Variants in DLGAP1 observed in about 807,000 individuals in gnomAD.
DLGAP1 encodes the protein disks large-associated protein 1.
In DLGAP1, 11 loss-of-function variants were observed where a neutral mutation model predicts 90.8. That is an observed-to-expected ratio of 0.12 (90% CI 0.08 to 0.20). The LOEUF (loss-of-function observed/expected upper bound fraction) is 0.20. Ranked by LOEUF, DLGAP1 falls within the 10% of genes least tolerant of loss-of-function variation. The pLI, the probability that DLGAP1 is intolerant of heterozygous loss-of-function variation, is 1.00. For synonymous variants in DLGAP1, 558 were observed against 540.7 expected (o/e 1.03, Z -0.44); for missense variants, 1,050 against 1,333.8 (o/e 0.79, Z 3.31).
intron 4 of DLGAP1, among the ~76,000 whole-genome samples, chr18:3,852,737 A>T (rs561362497): frequency 6.6e-6 from 1 of 152,282 alleles, no homozygotes; most frequent in Non-Finnish European, 1.5e-5. Context: ...CCTTTTCTGC[A>T]TATATTGAGA....
At chr18:3,931,348 C>T (rs939555023) in intron 3 of DLGAP1, among the ~76,000 whole-genome samples, 1 of 152,142 alleles carries the variant, frequency 6.6e-6, no homozygotes, top group Non-Finnish European at 1.5e-5. Context: ...CTCAGTTCTG[C>T]CCTGTTCACC....
intron 7 of DLGAP1, among the ~76,000 whole-genome samples, chr18:3,684,167 GTT>G (rs57207823): frequency 2.1e-4 from 24 of 116,160 alleles, no homozygotes; most frequent in Middle Eastern, 3.7e-3. Flanking sequence ...ATTGGGTAAG[GTT>G]TTTTTTTTTT....
chr18:3,942,355 G>T (rs1357272648), intron 3 of DLGAP1, among the ~76,000 whole-genome samples: 1 of 152,200 alleles, frequency 6.6e-6, no homozygotes. Flanking sequence ...AACTGCTGGT[G>T]TCGGAAGGCA....
intron 8 of DLGAP1, among the ~76,000 whole-genome samples, chr18:3,573,497 C>T (rs1305451022): frequency 2.0e-5 from 3 of 152,030 alleles, no homozygotes; most frequent in Non-Finnish European, 4.4e-5. Flanking sequence ...AGCAAAACTC[C>T]ATCTCAAAAG....
intron 1 of DLGAP1, among the ~76,000 whole-genome samples, chr18:4,437,906 G>T (rs2083442048): frequency 6.6e-6 from 1 of 152,122 alleles, no homozygotes. Context: ...AGTAAATATG[G>T]TTTAAAAGAT....
At chr18:3,733,994 T>A (rs886536833) in intron 6 of DLGAP1, among the ~76,000 whole-genome samples, 1 of 152,256 alleles carries the variant, frequency 6.6e-6, no homozygotes, top group Admixed American at 6.5e-5. Flanking sequence ...TACAAGAATA[T>A]GTCCTGATGT....
chr18:3,508,537 G>A (rs1313528911), intron 11 of DLGAP1, 33 bp downstream of exon 11: 1 of 1,520,130 alleles, frequency 6.6e-7, no homozygotes, highest in Admixed American at 1.8e-5. Flanking sequence ...CATGGCACTA[G>A]CAGGGAAATT....
chr18:4,177,351 AAC>A (rs34299932), intron 1 of DLGAP1, among the ~76,000 whole-genome samples: 30,619 of 141,168 alleles, frequency 0.22, 3,244 homozygotes, highest in Middle Eastern at 0.26. Context: ...ACTTTCTTTG[AAC>A]ACACACACAC....
At chr18:3,950,187 C>G (rs1420991618) in intron 3 of DLGAP1, among the ~76,000 whole-genome samples, 3 of 152,120 alleles carry the variant, frequency 2.0e-5, no homozygotes, top group African/African-American at 7.2e-5. Flanking sequence ...ATGACAGAAA[C>G]TCCAAAAAAA....
Position 3,777,433 on chromosome 18 carries a change from T to G in DLGAP1, c.1173-34921A>C, listed in dbSNP as rs912365878. Among the ~76,000 whole-genome samples the G allele has an allele frequency of 5.3e-5, 8 of 151,824 alleles. No homozygotes were observed. In the East Asian group the frequency reaches 1.5e-3, roughly 29 times the overall value. On this transcript the variant is annotated intron_variant, in intron 5 of 12. Coordinates refer to ENST00000315677, the MANE Select transcript of DLGAP1 (RefSeq NM_004746.4). ...AGACAAAAACAAAGTGTAGATAATT[T>G]TATAAAAGTGGAGGTGGTGGAAGAA...
intron 2 of DLGAP1, among the ~76,000 whole-genome samples, chr18:4,136,967 G>A (rs1384426939): frequency 6.6e-6 from 1 of 152,114 alleles, no homozygotes; most frequent in Non-Finnish European, 1.5e-5. Flanking sequence ...AGTTACATAT[G>A]TATACATGTG....
intron 2 of DLGAP1, among the ~76,000 whole-genome samples, chr18:4,066,725 G>T (rs962815347): frequency 6.6e-6 from 1 of 152,078 alleles, no homozygotes; most frequent in African/African-American, 2.4e-5. Flanking sequence ...TACACTGTTG[G>T]GGGGGTGTAA....
At chr18:3,553,408 C>T (rs1195658053) in intron 9 of DLGAP1, among the ~76,000 whole-genome samples, 3 of 152,144 alleles carry the variant, frequency 2.0e-5, no homozygotes, top group Non-Finnish European at 4.4e-5. Flanking sequence ...GTAATTTATA[C>T]ATTTTTACAA....
intron 6 of DLGAP1, among the ~76,000 whole-genome samples, chr18:3,741,020 C>CAT (rs1427122256): frequency 1.3e-4 from 10 of 75,010 alleles, no homozygotes; most frequent in Non-Finnish European, 1.9e-4. Context: ...ACCACCATCA[C>CAT]CACCACCACC....
chr18:4,392,665 A>G (rs2082362542), intron 1 of DLGAP1, among the ~76,000 whole-genome samples: 1 of 152,188 alleles, frequency 6.6e-6, no homozygotes, highest in Admixed American at 6.5e-5. Flanking sequence ...TAATAACTGT[A>G]CAGTCTACAG....
intron 9 of DLGAP1, among the ~76,000 whole-genome samples, chr18:3,554,451 C>A (rs1182736142): frequency 1.3e-5 from 2 of 152,166 alleles, no homozygotes; most frequent in African/African-American, 4.8e-5. Context: ...CCTTTCAAAA[C>A]GACATACGCA....
intron 7 of DLGAP1, among the ~76,000 whole-genome samples, chr18:3,700,388 C>G (rs2111539): frequency 0.16 from 24,272 of 152,078 alleles, 2,383 homozygotes; most frequent in East Asian, 0.46. Flanking sequence ...AGTTCCTCAA[C>G]CCCTTGTGCT....
In DLGAP1 at chr18:4,057,679, T is replaced by C. The variant is rs148050952; in HGVS notation, c.-158-52478A>G. On this transcript the variant is annotated intron_variant, in intron 2 of 12. Transcript: ENST00000315677. ...CTAAAATTTGTCTTGGTCTCTCTCT[T>C]TCTCTCTCTGCTTTATGCTCCTTAG... Among the ~76,000 whole-genome samples, 1,055 of 152,322 alleles carry C rather than the reference T, an allele frequency of 6.9e-3. 11 individuals carry two copies. Among genetic ancestry groups the C allele is most frequent in the African/African-American group, 0.024 (987 of 41,578 alleles).
chr18:3,880,015 C>G lies in DLGAP1; in HGVS notation c.54G>C (p.Ser18=), dbSNP rs749740089. The part of the protein sequence containing the change: ...RSHHHGVTCD[S]ACDSLSHHSD... ...AGTGGTGCGACAGCGAGTCACAGGC[C>G]GAGTCGCAGGTGACCCCGTGGTGAT... Residue 18 remains serine, a synonymous_variant, in exon 4 of 13, where the codon TCG becomes TCC. Coordinates refer to ENST00000315677, the MANE Select transcript of DLGAP1 (RefSeq NM_004746.4). The G allele has an allele frequency of 9.3e-6, 15 of 1,608,720 alleles. 1 individual carries two copies. In the South Asian group the frequency reaches 1.6e-4, roughly 18 times the overall value.
Sources: allele counts gnomAD v4.1 joint callset (sites outside exome capture counted in the v4.1 genomes callset), GRCh38; gene constraint gnomAD v4.1.1; transcripts MANE v1.5; gene names NCBI Gene and HGNC (gene_info 2026-07-23, HGNC 2026-07-21).